PML: variants seen among roughly 807,000 people sequenced by gnomAD.
The protein encoded by PML is PML nuclear body scaffold, also known as protein PML.
Under a neutral mutation model 65.2 loss-of-function variants are expected in PML, and 28 were observed. The ratio of observed to expected loss-of-function variants is 0.43; its 90% CI spans 0.32 to 0.59. The LOEUF (loss-of-function observed/expected upper bound fraction) is 0.59. Ranked by LOEUF, PML falls within the 20% of genes least tolerant of loss-of-function variation. The pLI, the probability that PML is intolerant of heterozygous loss-of-function variation, is 0.08. For missense variants in PML, 1,021 were observed against 1,203.4 expected, an observed-to-expected ratio of 0.85 and a Z score of 2.24; for synonymous variants, 500 against 508.8, an observed-to-expected ratio of 0.98 and a Z score of 0.23.
chr15:74,001,147 T>G (rs953647353), intron 2 of PML, among the ~76,000 whole-genome samples: 11 of 152,160 alleles, frequency 7.2e-5, no homozygotes, highest in African/African-American at 2.4e-4. Context: ...TGATGTTGTA[T>G]ATTTGTGGTT....
chr15:74,045,965 C>T lies in PML; in HGVS notation c.*957C>T, dbSNP rs768735827. 20 of 232,358 alleles carry T rather than the reference C, an allele frequency of 8.6e-5. No individual in the cohort carries two copies. Among genetic ancestry groups the T allele is most frequent in the Non-Finnish European group, 1.4e-4 (16 of 117,562 alleles). The allele number at this position is 232,358 out of a possible 1,614,324, so 14.4% of individuals were successfully genotyped here. A position where few individuals can be genotyped will look rare whatever the true frequency, so the allele number is the denominator to read the frequency against. On this transcript the variant is annotated 3_prime_UTR_variant, in exon 9 of 9. Coordinates refer to ENST00000268058, the MANE Select transcript of PML (RefSeq NM_033238.3). ...CTGGTGCATGCTCAAGTTTGAGAAC[C>T]GCTGCTCTCATAGACTGCTCCTCCA...
At position 74,010,185 on chromosome 15, in the gene PML, A is replaced by ATTTTTTTT. The variant is rs536738558; in HGVS notation, c.602+11730_602+11737dup. 2.5e-3 allele frequency among the ~76,000 whole-genome samples: 198 copies of ATTTTTTTT among 77,930 alleles called. 13 individuals are homozygous for ATTTTTTTT. The highest frequency in any genetic ancestry group is 2.9e-3 in the Admixed American group (16 of 5,442). The allele number at this position is 77,930 out of a possible 152,430, so 51.1% of individuals were successfully genotyped here. The stretch of plus-strand genomic sequence containing the variant: ...AGACATGCACCACCATGCCCAGCTA[A>ATTTTTTTT]TTTTTTTTTTTTTTTTTTTTTTTTT... On this transcript the variant is annotated intron_variant, in intron 2 of 8. Coordinates refer to ENST00000268058, the MANE Select transcript of PML (RefSeq NM_033238.3).
At chr15:74,001,482 G>A (rs895628925) in intron 2 of PML, among the ~76,000 whole-genome samples, 1 of 151,982 alleles carries the variant, frequency 6.6e-6, no homozygotes, top group African/African-American at 2.4e-5. Flanking sequence ...TGAGACTACA[G>A]GTGCCCACCA....
chr15:74,014,392 C>T (rs1462433531), intron 2 of PML, among the ~76,000 whole-genome samples: 6 of 151,446 alleles, frequency 4.0e-5, no homozygotes, highest in African/African-American at 9.7e-5. Context: ...AGCGCAGTGG[C>T]GTGATCTCAG....
intron 4 of PML, among the ~76,000 whole-genome samples, chr15:74,029,585 C>T (rs147348697): frequency 6.6e-6 from 1 of 152,034 alleles, no homozygotes; most frequent in East Asian, 1.9e-4. Context: ...GATTATGCCA[C>T]TATACTCCAG....
At chr15:74,032,975 C>A (rs1029205583) in intron 5 of PML, among the ~76,000 whole-genome samples, 181 bp from the exon 6 acceptor site, 1 of 152,220 alleles carries the variant, frequency 6.6e-6, no homozygotes, top group African/African-American at 2.4e-5. Context: ...TGGTGGACAG[C>A]AGATAGTACC....
chr15:73,995,025 G>C lies in PML; in HGVS notation c.129+84G>C, dbSNP rs1245357693. ...AGGCGGGAAGAGAGGGTCTAACGGA[G>C]GATTTGGTCAAGTACCCTAGAGAGT... On this transcript the variant is annotated intron_variant, in intron 1 of 8. Coordinates refer to ENST00000268058, the MANE Select transcript of PML (RefSeq NM_033238.3). 4.6e-6 allele frequency: 6 copies of C among 1,310,250 alleles called. No homozygotes were observed. The African/African-American group carries it at 8.9e-5, about 19-fold the overall frequency. The allele number at this position is 1,310,250 out of a possible 1,614,324, so 81.2% of individuals were successfully genotyped here. A position where few individuals can be genotyped will look rare whatever the true frequency, so the allele number is the denominator to read the frequency against.
chr15:73,997,119 A>G (rs1595874135), intron 1 of PML, among the ~76,000 whole-genome samples: 1 of 152,184 alleles, frequency 6.6e-6, no homozygotes, highest in Non-Finnish European at 1.5e-5. Context: ...CTTGGTGTTC[A>G]CCCCATTGGT....
chr15:74,033,793 GCT>G (rs1218871120), intron 6 of PML: 2 of 567,368 alleles, frequency 3.5e-6, no homozygotes, highest in Non-Finnish European at 6.3e-6. Flanking sequence ...CCTTAACTCT[GCT>G]CTCTCAGTCT....
chr15:74,037,977 C>T lies in PML; in HGVS notation c.1710+3447C>T, dbSNP rs1490854877. The stretch of plus-strand genomic sequence containing the variant: ...ATAGGTACCTCAAACTCAGCACCTT[C>T]TCCTCCCGTCTCACTGGCTCGCCCC... On this transcript the variant is annotated intron_variant, in intron 7 of 8. Coordinates refer to ENST00000268058, the MANE Select transcript of PML (RefSeq NM_033238.3). The surrounding 1 kb of genome is among the most constrained non-coding windows in gnomAD (Gnocchi z 4.2). Among the ~76,000 whole-genome samples the T allele has an allele frequency of 1.3e-5, 2 of 152,190 alleles. No homozygotes were observed. The highest frequency in any genetic ancestry group is 4.8e-5 in the African/African-American group (2 of 41,450).
intron 7 of PML, 137 bp downstream of exon 7, chr15:74,034,667 G>T: frequency 6.3e-7 from 1 of 1,586,416 alleles, no homozygotes; most frequent in Non-Finnish European, 8.6e-7. Flanking sequence ...GTCCCAAGCT[G>T]TGCTGAGGAC....
rs746444712 is a variant in PML at position 74,044,370 on chromosome 15, C to A, written c.2011C>A (p.Arg671Ser). ...CCTCAGCTTTCTGAGCTCCATGCGC[C>A]GCCCTATCTTGGCCTGCTACAAGCT... is the stretch of plus-strand genomic sequence containing the variant. ...HFLSFLSSMR[R>S]PILACYKLWG... Residue 671 changes from arginine to serine, a missense_variant, in exon 9 of 9, where the codon CGC (arginine) becomes AGC (serine). Coordinates refer to ENST00000268058, the MANE Select transcript of PML (RefSeq NM_033238.3). The A allele has an allele frequency of 1.9e-6, 3 of 1,614,108 alleles. No homozygotes were observed. Among genetic ancestry groups the A allele is most frequent in the African/African-American group, 1.3e-5 (1 of 74,940 alleles).
In PML at chr15:74,033,226, A is replaced by AGAT; in HGVS notation, c.1471_1473dup (p.Met491dup). 1.9e-6 allele frequency: 3 copies of AGAT among 1,614,206 alleles called. No homozygotes were observed. The highest frequency in any genetic ancestry group is 2.5e-6 in the Non-Finnish European group (3 of 1,180,034). On this transcript the variant is annotated inframe_insertion, in exon 6 of 9. Transcript: ENST00000268058. ...ACCCAGTGCCCCAGGAAGGTCATCA[A>AGAT]GATGGAGTCTGAGGAGGGGAAGGAG...
chr15:73,995,061 G>T, intron 1 of PML, 120 bp downstream of exon 1: 1 of 950,812 alleles, frequency 1.1e-6, no homozygotes. Flanking sequence ...GACACAAAGC[G>T]GGAAGTCCAG....
intron 5 of PML, 95 bp from the exon 6 acceptor site, chr15:74,033,061 C>G (rs2071391969): frequency 2.2e-6 from 3 of 1,379,642 alleles, no homozygotes. Context: ...ACAGCAGGAG[C>G]AAAAGGGTGG....
At chr15:74,036,061 T>C (rs2071548052) in intron 7 of PML, 1 of 1,613,956 alleles carries the variant, frequency 6.2e-7, no homozygotes, top group Admixed American at 1.7e-5. Flanking sequence ...CACTCATTAA[T>C]TCTTGGTTAA....
chr15:74,036,303 C>T lies in PML; in HGVS notation c.1710+1773C>T. The T allele has an allele frequency of 2.1e-6, 3 of 1,449,896 alleles. No individual in the cohort carries two copies. In the South Asian group the frequency reaches 4.3e-5, roughly 21 times the overall value. 89.8% of individuals were successfully genotyped at this position (1,449,896 alleles called of 1,614,324 possible). A position where few individuals can be genotyped will look rare whatever the true frequency, so the allele number is the denominator to read the frequency against. On this transcript the variant is annotated intron_variant, in intron 7 of 8. Transcript: ENST00000268058. Reference sequence around the variant, plus strand: ...CCCCACCCCAAGCCTCTCCACTAGGCCTCTGCCAGGATCTAAGCCCATGAG... The same window carrying T: ...CCCCACCCCAAGCCTCTCCACTAGGTCTCTGCCAGGATCTAAGCCCATGAG...
intron 7 of PML, among the ~76,000 whole-genome samples, chr15:74,039,991 T>A (rs1380525926): frequency 6.6e-6 from 1 of 152,176 alleles, no homozygotes. Flanking sequence ...GCACTTGACC[T>A]GCTCAGGCCG....
chr15:74,011,769 G>C (rs2070343506), intron 2 of PML, among the ~76,000 whole-genome samples: 1 of 152,196 alleles, frequency 6.6e-6, no homozygotes, highest in African/African-American at 2.4e-5. Context: ...AGAGAGAACT[G>C]TTCCCTTTGT....
Sources: gnomAD v4.1 joint callset for allele counts (sites outside exome capture counted in the v4.1 genomes callset) on GRCh38, gnomAD v4.1.1 for gene constraint, Gnocchi (gnomAD v3.1) non-coding constraint, MANE v1.5 for transcripts, NCBI Gene and HGNC (gene_info 2026-07-23, HGNC 2026-07-21) for gene names.